Variants in OLFM3 observed in about 807,000 individuals in gnomAD.
OLFM3 encodes olfactomedin 3.
In OLFM3, 20 loss-of-function variants were observed where a neutral mutation model predicts 48.6. The observed-to-expected ratio is 0.41, with a 90% CI of 0.29 to 0.60. The LOEUF is 0.60. OLFM3 is among the 20% of genes least tolerant of loss of function. OLFM3 has a pLI of 0.28. For synonymous variants in OLFM3, 222 were observed against 198.1 expected (o/e 1.12, Z -1.01); for missense variants, 437 against 544.3 (o/e 0.80, Z 1.96).
In OLFM3 at chr1:101,804,797, G is replaced by A. The variant is rs1346900555; in HGVS notation, c.818C>T (p.Thr273Ile). The A allele has an allele frequency of 1.2e-6, 2 of 1,612,488 alleles. No individual in the cohort carries two copies. Among genetic ancestry groups the A allele is most frequent in the Non-Finnish European group, 1.7e-6 (2 of 1,179,076 alleles). Residue 273 changes from threonine (T) to isoleucine (I), a missense_variant, in exon 6 of 6, where the codon ACT (threonine) becomes ATT (isoleucine). Coordinates refer to ENST00000370103, the MANE Select transcript of OLFM3 (RefSeq NM_058170.4). This position sits in a 1 kb window ranked among gnomAD's most constrained non-coding sequence, Gnocchi z 4.5. The part of the protein sequence containing the change: ...TYNLPFKWAG[T>I]NHVVYNGSLY... ...TGAGCCATTGTAGACAACATGGTTAGTTCCTGCCCACTTGAAAGGAAGGTT... is the reference window on the plus strand; with the variant it reads ...TGAGCCATTGTAGACAACATGGTTAATTCCTGCCCACTTGAAAGGAAGGTT...
rs371512942 is a variant in OLFM3 at position 101,966,317 on chromosome 1, T to TTTTGTGTGTGTGTGTGTGTG, written c.69+30430_69+30431insCACACACACACACACACAAA. Among the ~76,000 whole-genome samples the TTTTGTGTGTGTGTGTGTGTG allele has an allele frequency of 9.6e-4, 123 of 128,142 alleles. 2 individuals are homozygous for TTTTGTGTGTGTGTGTGTGTG. The highest frequency in any genetic ancestry group is 6.4e-3 in the South Asian group (23 of 3,616). The allele number at this position is 128,142 out of a possible 152,430, so 84.1% of individuals were successfully genotyped here. A position where few individuals can be genotyped will look rare whatever the true frequency, so the allele number is the denominator to read the frequency against. ...GTAGCTGGCACCACACCTGGCTAAT[T>TTTTGTGTGTGTGTGTGTGTG]TGTGTGTGTGTGTGTGTGTGTGTGT... On this transcript the variant is annotated intron_variant, in intron 1 of 5. Coordinates refer to ENST00000370103, the MANE Select transcript of OLFM3 (RefSeq NM_058170.4).
intron 1 of OLFM3, among the ~76,000 whole-genome samples, chr1:101,984,215 G>A (rs1661173435): frequency 6.8e-6 from 1 of 147,256 alleles, no homozygotes; most frequent in Admixed American, 6.8e-5. Flanking sequence ...CTCTAGCCTG[G>A]GCAACAAAAG....
At chr1:101,920,375 G>T (rs540239143) in intron 1 of OLFM3, among the ~76,000 whole-genome samples, 5 of 152,230 alleles carry the variant, frequency 3.3e-5, no homozygotes, top group African/African-American at 1.2e-4. Flanking sequence ...CTTCTGGAAT[G>T]TTCTTCTCTC....
At chr1:101,825,644 T>C (rs566013614) in intron 3 of OLFM3, among the ~76,000 whole-genome samples, 538 of 152,312 alleles carry the variant, frequency 3.5e-3, no homozygotes, top group African/African-American at 0.012. Context: ...TTGAATAAAG[T>C]GATTGAAAAT....
At chr1:101,980,466 T>G (rs1217108293) in intron 1 of OLFM3, among the ~76,000 whole-genome samples, 1 of 152,140 alleles carries the variant, frequency 6.6e-6, no homozygotes, top group African/African-American at 2.4e-5. Flanking sequence ...TCATGAGATT[T>G]GATGGTTTTA....
chr1:101,872,731 T>C (rs1657130762), intron 1 of OLFM3, among the ~76,000 whole-genome samples: 6 of 151,962 alleles, frequency 3.9e-5, no homozygotes, highest in Admixed American at 3.9e-4. Flanking sequence ...AAATGGGGAT[T>C]AAAATTTTGC....
At chr1:101,994,523 A>C (rs1165134618) in intron 1 of OLFM3, among the ~76,000 whole-genome samples, 2 of 149,712 alleles carry the variant, frequency 1.3e-5, no homozygotes, top group Non-Finnish European at 3.0e-5. Flanking sequence ...TTAGTTTATA[A>C]CCTAATTGAC....
intron 4 of OLFM3, among the ~76,000 whole-genome samples, chr1:101,818,912 T>A (rs1313731019): frequency 2.0e-5 from 3 of 152,180 alleles, no homozygotes; most frequent in South Asian, 4.1e-4. Context: ...TTTTGTCCAC[T>A]GTGTTTCAGG....
intron 1 of OLFM3, among the ~76,000 whole-genome samples, chr1:101,979,529 G>A (rs1313372708): frequency 1.3e-5 from 2 of 152,142 alleles, no homozygotes; most frequent in African/African-American, 2.4e-5. Context: ...CTGCTGCCTT[G>A]TGAAAAAGGT....
intron 1 of OLFM3, among the ~76,000 whole-genome samples, chr1:101,862,139 G>A (rs1032572186): frequency 1.4e-4 from 21 of 152,262 alleles, no homozygotes; most frequent in African/African-American, 5.1e-4. Flanking sequence ...TAAGACACAT[G>A]TTGAATATTG....
intron 1 of OLFM3, among the ~76,000 whole-genome samples, chr1:101,884,512 AC>A (rs948222275): frequency 1.3e-5 from 2 of 151,950 alleles, no homozygotes; most frequent in South Asian, 2.1e-4. Flanking sequence ...ACAAAAAAAA[AC>A]AGACAAAAAA....
chr1:101,903,523 A>G lies in OLFM3; in HGVS notation c.70-66498T>C, dbSNP rs543395548. Among the ~76,000 whole-genome samples the G allele has an allele frequency of 2.0e-5, 3 of 152,206 alleles. No individual in the cohort carries two copies. In the South Asian group the frequency reaches 6.2e-4, roughly 31 times the overall value. ...GATAGGCAGAAATTTTAGTCCGTGC[A>G]TGATGTTAACTGTTGAGTTTGTAAG... On this transcript the variant is annotated intron_variant, in intron 1 of 5. Coordinates refer to ENST00000370103, the MANE Select transcript of OLFM3 (RefSeq NM_058170.4).
At chr1:101,836,750 A>G (rs1039114391) in intron 2 of OLFM3, 129 bp downstream of exon 2, 3 of 914,434 alleles carry the variant, frequency 3.3e-6, no homozygotes, top group African/African-American at 3.3e-5. Flanking sequence ...GATCAGAAAA[A>G]AAAGCTTATC....
intron 1 of OLFM3, among the ~76,000 whole-genome samples, chr1:101,859,147 G>A (rs1206749666): frequency 6.6e-6 from 1 of 152,052 alleles, no homozygotes; most frequent in Non-Finnish European, 1.5e-5. Context: ...AGGAAATAGA[G>A]TTGGAAAGGT....
chr1:101,933,010 C>T (rs569732604), intron 1 of OLFM3, among the ~76,000 whole-genome samples: 22 of 151,744 alleles, frequency 1.4e-4, no homozygotes, highest in South Asian at 2.1e-4. Context: ...GAGACCATCC[C>T]GGCTAACACG....
At chr1:101,871,600 T>C (rs569815993) in intron 1 of OLFM3, among the ~76,000 whole-genome samples, 5 of 152,168 alleles carry the variant, frequency 3.3e-5, no homozygotes, top group Admixed American at 3.3e-4. Context: ...CTTTCATGTA[T>C]TTTAATTTAA....
chr1:101,826,430 A>C (rs1654870485), intron 3 of OLFM3, among the ~76,000 whole-genome samples: 1 of 152,238 alleles, frequency 6.6e-6, no homozygotes, highest in Non-Finnish European at 1.5e-5. Flanking sequence ...AATAATACAT[A>C]GATGCTGTCA....
intron 1 of OLFM3, among the ~76,000 whole-genome samples, chr1:101,903,247 G>A (rs1363506959): frequency 1.3e-5 from 2 of 152,042 alleles, no homozygotes; most frequent in African/African-American, 2.4e-5. Flanking sequence ...TGAAAGCACA[G>A]GGCATAAGCA....
intron 1 of OLFM3, among the ~76,000 whole-genome samples, chr1:101,981,601 A>G (rs933092715): frequency 1.3e-5 from 2 of 152,228 alleles, no homozygotes; most frequent in Admixed American, 6.5e-5. Context: ...CTGAACTTCA[A>G]ATAACAGCTG....
Sources: gnomAD v4.1 joint callset for allele counts (sites outside exome capture counted in the v4.1 genomes callset) on GRCh38, gnomAD v4.1.1 for gene constraint, Gnocchi (gnomAD v3.1) non-coding constraint, MANE v1.5 for transcripts, NCBI Gene and HGNC (gene_info 2026-07-23, HGNC 2026-07-21) for gene names.